The following BFSP1 variants were observed in gnomAD, a reference collection of about 807,000 sequenced individuals.
BFSP1 encodes filensin.
Under a neutral mutation model 43.9 loss-of-function variants are expected in BFSP1, and 38 were observed. That is an observed-to-expected ratio of 0.87 (90% CI 0.67 to 1.14). The LOEUF (loss-of-function observed/expected upper bound fraction) is 1.14, where lower values mean the gene tolerates loss of function less well. BFSP1 is among the 50% of genes most tolerant of loss of function. BFSP1 has a pLI of 0.00. For missense variants in BFSP1, 850 were observed against 875.1 expected (o/e 0.97, Z 0.36); for synonymous variants, 352 against 354.8 (o/e 0.99, Z 0.09).
At chr20:17,532,404 C>CAAAAAA (rs531941557), upstream of BFSP1, among the ~76,000 whole-genome samples, 1 of 61,260 alleles carries the variant, frequency 1.6e-5, no homozygotes, top group Non-Finnish European at 3.6e-5. Flanking sequence ...GACTCCGTCT[C>CAAAAAA]AAAAAAAAAA....
At chr20:17,516,983 C>G (rs2034213130) in intron 2 of BFSP1, 2 of 760,126 alleles carry the variant, frequency 2.6e-6, no homozygotes, top group South Asian at 2.7e-5. Flanking sequence ...TCTTTGCTAG[C>G]AAGCAACTGG....
chr20:17,505,755 C>T (rs926758795), intron 5 of BFSP1, among the ~76,000 whole-genome samples: 4 of 152,214 alleles, frequency 2.6e-5, no homozygotes, highest in African/African-American at 4.8e-5. Flanking sequence ...CAGTGTGGCT[C>T]CTGGACCAGC....
rs56042048 is a variant in BFSP1 at position 17,512,405 on chromosome 20, C to CA, written c.535-338dup. 3.9e-4 allele frequency among the ~76,000 whole-genome samples: 56 copies of CA among 145,078 alleles called. 1 individual carries two copies. The highest frequency in any genetic ancestry group is 1.0e-3 in the East Asian group (5 of 4,866). ...CACAAAGCCCTGGGTGGCGGAGGCA[C>CA]AAAAAAAAAAAGAGAAAAAAACCAG... On this transcript the variant is annotated intron_variant, in intron 3 of 7. Coordinates refer to ENST00000377873, the MANE Select transcript of BFSP1 (RefSeq NM_001195.5).
chr20:17,514,855 T>C (rs1401407315), intron 2 of BFSP1, 39 bp from the exon 3 acceptor site: 9 of 1,588,002 alleles, frequency 5.7e-6, no homozygotes, highest in Non-Finnish European at 7.8e-6. Context: ...ACAGGCACCA[T>C]GGAGCATAGG....
intron 1 of BFSP1, among the ~76,000 whole-genome samples, chr20:17,564,811 A>T (rs2035101327): frequency 6.6e-6 from 1 of 152,016 alleles, no homozygotes; most frequent in Admixed American, 6.6e-5. Context: ...CTGGTCCTGA[A>T]CTCCTGACCT....
At chr20:17,539,105 C>CTTTTTTT (rs1156875265) in intron 1 of BFSP1, among the ~76,000 whole-genome samples, 18 of 63,558 alleles carry the variant, frequency 2.8e-4, no homozygotes, top group African/African-American at 6.8e-4. Context: ...ATTTCTTCTT[C>CTTTTTTT]TTTTTTTTTT....
chr20:17,554,821 C>T (rs2034963045), intron 1 of BFSP1, among the ~76,000 whole-genome samples: 1 of 152,018 alleles, frequency 6.6e-6, no homozygotes. Flanking sequence ...ATCTCATTCC[C>T]ATAACGTCTA....
chr20:17,549,779 T>G (rs111337419), intron 1 of BFSP1, among the ~76,000 whole-genome samples: 3,725 of 152,258 alleles, frequency 0.024, 68 homozygotes, highest in Non-Finnish European at 0.037. Context: ...GAAGTTGCAG[T>G]AAGCCAAGAT....
intron 5 of BFSP1, among the ~76,000 whole-genome samples, chr20:17,500,637 GCGTGTAGTCCCA>G (rs751985002): frequency 1.5e-4 from 23 of 152,158 alleles, no homozygotes; most frequent in Non-Finnish European, 3.1e-4. Context: ...CATTATTTTG[GCGTGTAGTCCCA>G]CTTTTAACGA....
intron 1 of BFSP1, among the ~76,000 whole-genome samples, chr20:17,564,153 C>A (rs543432253): frequency 6.6e-6 from 1 of 151,926 alleles, no homozygotes; most frequent in South Asian, 2.1e-4. Flanking sequence ...GGCAACATGG[C>A]AAGACTCTGT....
Position 17,531,319 on chromosome 20 carries a change from C to A in BFSP1, c.11G>T (p.Arg4Leu). The change falls in exon 1 of 8, where the codon CGC becomes CTC. Residue 4 changes from arginine to leucine, a missense_variant. By Grantham distance (102) the Arg-to-Leu change is moderately radical (BLOSUM62 -2). Transcript: ENST00000377873. MYR[R>L]SYVFQTRKEQ... The stretch of plus-strand genomic sequence containing the variant: ...CTTGCGGGTCTGGAAGACGTAGCTG[C>A]GCCGGTACATGGCTGCTCTGGCGCG... 6.8e-7 allele frequency: 1 copy of A among 1,461,312 alleles called. No individual in the cohort carries two copies. The highest frequency in any genetic ancestry group is 9.0e-7 in the Non-Finnish European group (1 of 1,113,170). 90.5% of individuals were successfully genotyped at this position (1,461,312 alleles called of 1,614,324 possible). A position where few individuals can be genotyped will look rare whatever the true frequency, so the allele number is the denominator to read the frequency against.
At position 17,525,453 on chromosome 20, in the gene BFSP1, A is replaced by G. The variant is rs919905115; in HGVS notation, c.378-545T>C. Among the ~76,000 whole-genome samples the G allele has an allele frequency of 6.6e-6, 1 of 152,202 alleles. No homozygotes were observed. The highest frequency in any genetic ancestry group is 1.5e-5 in the Non-Finnish European group (1 of 68,038). On this transcript the variant is annotated intron_variant, in intron 1 of 7. Transcript: ENST00000377873. This position sits in a 1 kb window ranked among gnomAD's most constrained non-coding sequence, Gnocchi z 4.2. ...GAGGAAACTCAGGCAGATGCTCCGC[A>G]CACTTTTCCCTCCTCCCAGCAGCAT... is the stretch of plus-strand genomic sequence containing the variant.
chr20:17,565,336 AT>A lies in BFSP1; in HGVS notation n.51-2242del, dbSNP rs553392981. On this transcript the variant is annotated intron_variant and non_coding_transcript_variant, in intron 1 of 6. Coordinates refer to the BFSP1 transcript ENST00000473415. Reference sequence around the variant, plus strand: ...TTTATGCATTCCTTTTGACTTAGTAATTTTATGGGAGGAATTTTCTGAGAAG... The same window carrying A: ...TTTATGCATTCCTTTTGACTTAGTAATTTATGGGAGGAATTTTCTGAGAAG... Among the ~76,000 whole-genome samples, 17 of 152,298 alleles carry A rather than the reference AT, an allele frequency of 1.1e-4. No homozygotes were observed. In the East Asian group the frequency reaches 3.1e-3, roughly 28 times the overall value.
At chr20:17,529,160 C>T (rs2034482582) in intron 1 of BFSP1, among the ~76,000 whole-genome samples, 2 of 151,898 alleles carry the variant, frequency 1.3e-5, no homozygotes, top group South Asian at 4.2e-4. Flanking sequence ...GCAGCCTCCG[C>T]CTCCCAGATT....
At chr20:17,529,090 T>TGTGTGAGA (rs577672397) in intron 1 of BFSP1, among the ~76,000 whole-genome samples, 2 of 151,496 alleles carry the variant, frequency 1.3e-5, no homozygotes, top group African/African-American at 4.9e-5. Context: ...TGTGTGTGTG[T>TGTGTGAGA]GAGACAGAGT....
intron 5 of BFSP1, among the ~76,000 whole-genome samples, chr20:17,500,967 C>G (rs1460668110): frequency 6.6e-6 from 1 of 152,150 alleles, no homozygotes; most frequent in Non-Finnish European, 1.5e-5. Flanking sequence ...ACTGGAACCA[C>G]CTGAGGGTGT....
At chr20:17,524,491 G>A (rs78115630) in intron 2 of BFSP1, among the ~76,000 whole-genome samples, 7,510 of 152,272 alleles carry the variant, frequency 0.049, 241 homozygotes, top group African/African-American at 0.088. Context: ...AGGTATCACT[G>A]TGTCCAAATA....
At chr20:17,505,483 G>GC (rs1256921506) in intron 5 of BFSP1, among the ~76,000 whole-genome samples, 1 of 152,242 alleles carries the variant, frequency 6.6e-6, no homozygotes, top group Non-Finnish European at 1.5e-5. Context: ...GGAACCCGCT[G>GC]CCACGGCCCT....
At position 17,522,765 on chromosome 20, in the gene BFSP1, AGTTCT is replaced by A. The variant is rs1225314973; in HGVS notation, c.438+2078_438+2082del. ...AGTCATATACATTATTACATCATTT[AGTTCT>A]CACTAGGCACTTTCACTCCTATGGT... is the stretch of plus-strand genomic sequence containing the variant. On this transcript the variant is annotated intron_variant, in intron 2 of 7. Transcript: ENST00000377873. Among the ~76,000 whole-genome samples, 219 of 152,316 alleles carry A rather than the reference AGTTCT, an allele frequency of 1.4e-3. 3 individuals carry two copies. In the East Asian group the frequency reaches 0.038, roughly 27 times the overall value.
Sources: allele counts gnomAD v4.1 joint callset (sites outside exome capture counted in the v4.1 genomes callset), GRCh38; gene constraint gnomAD v4.1.1; non-coding constraint Gnocchi (gnomAD v3.1); transcripts MANE v1.5; gene names NCBI Gene and HGNC (gene_info 2026-07-23, HGNC 2026-07-21).